The following PLD5 variants were observed in gnomAD, a reference collection of about 807,000 sequenced individuals.
The protein encoded by PLD5 is inactive phospholipase D5.
In PLD5, 36 loss-of-function variants were observed where a neutral mutation model predicts 61.1. The observed-to-expected ratio is 0.59, with a 90% CI of 0.45 to 0.78. PLD5 has a LOEUF of 0.78. Among genes scored for constraint, PLD5 ranks in the 30% least tolerant of loss-of-function variants. The pLI, the probability that PLD5 is intolerant of heterozygous loss-of-function variation, is 0.00. For missense variants in PLD5, 515 were observed against 644.4 expected, an observed-to-expected ratio of 0.80 and a Z score of 2.17; for synonymous variants, 243 against 242.8, an observed-to-expected ratio of 1.00 and a Z score of -0.01.
At chr1:242,262,476 C>T (rs2149099000) in intron 4 of PLD5, among the ~76,000 whole-genome samples, 1 of 152,298 alleles carries the variant, frequency 6.6e-6, no homozygotes, top group Non-Finnish European at 1.5e-5. Flanking sequence ...CTCACACCTG[C>T]ATGCAATTTG....
At chr1:242,518,414 A>C (rs1421313683) in intron 1 of PLD5, among the ~76,000 whole-genome samples, 1 of 152,166 alleles carries the variant, frequency 6.6e-6, no homozygotes, top group Non-Finnish European at 1.5e-5. Flanking sequence ...CAATATATAC[A>C]GTTTAAGCAA....
At chr1:242,449,510 C>T (rs1666695534) in intron 1 of PLD5, 2 of 1,506,078 alleles carry the variant, frequency 1.3e-6, no homozygotes, top group Non-Finnish European at 1.8e-6. Context: ...CCCTCAATTG[C>T]TGGCCTCAAT....
chr1:242,245,180 C>G (rs1409546173), intron 4 of PLD5, among the ~76,000 whole-genome samples: 4 of 152,034 alleles, frequency 2.6e-5, no homozygotes, highest in Non-Finnish European at 4.4e-5. Flanking sequence ...AAAAAAGGAG[C>G]CTTTTAGAGA....
At chr1:242,467,915 T>C (rs1204781380) in intron 1 of PLD5, among the ~76,000 whole-genome samples, 1 of 151,580 alleles carries the variant, frequency 6.6e-6, no homozygotes, top group African/African-American at 2.4e-5. Context: ...GTGCCCCCAG[T>C]AGAACCGCCC....
chr1:242,377,197 A>G, intron 1 of PLD5: 1 of 1,611,618 alleles, frequency 6.2e-7, no homozygotes. Flanking sequence ...GACGTGTAGC[A>G]GAGGCCACAC....
intron 1 of PLD5, among the ~76,000 whole-genome samples, chr1:242,466,950 G>C (rs938600002): frequency 6.6e-6 from 1 of 150,558 alleles, no homozygotes; most frequent in Non-Finnish European, 1.5e-5. Flanking sequence ...TACCAGGGCT[G>C]AGTGGGGAGG....
intron 4 of PLD5, among the ~76,000 whole-genome samples, chr1:242,261,203 G>T (rs1157107185): frequency 6.6e-6 from 1 of 152,186 alleles, no homozygotes; most frequent in Admixed American, 6.5e-5. Context: ...ATACGGTAAA[G>T]AATTCAAAGA....
chr1:242,101,367 CA>C (rs1293724633), intron 8 of PLD5, among the ~76,000 whole-genome samples: 1 of 151,898 alleles, frequency 6.6e-6, no homozygotes, highest in Admixed American at 6.6e-5. Context: ...TTTATTGACT[CA>C]AAAGGTGACA....
chr1:242,302,724 A>C (rs1676131850), intron 2 of PLD5, among the ~76,000 whole-genome samples: 1 of 152,200 alleles, frequency 6.6e-6, no homozygotes, highest in South Asian at 2.1e-4. Flanking sequence ...GCCTGTAAAA[A>C]ATTTTTTTAA....
intron 2 of PLD5, among the ~76,000 whole-genome samples, chr1:242,343,093 G>T (rs1374083726): frequency 2.6e-5 from 4 of 152,016 alleles, no homozygotes; most frequent in Non-Finnish European, 5.9e-5. Flanking sequence ...GAAATAAGAT[G>T]AATTAAAGTA....
intron 1 of PLD5, among the ~76,000 whole-genome samples, chr1:242,366,907 T>C (rs1661376747): frequency 6.6e-6 from 1 of 152,206 alleles, no homozygotes. Flanking sequence ...TTTATTTTTT[T>C]ACTACTTATA....
intron 5 of PLD5, among the ~76,000 whole-genome samples, chr1:242,168,353 C>G (rs1428942491): frequency 6.6e-6 from 1 of 152,162 alleles, no homozygotes; most frequent in African/African-American, 2.4e-5. Flanking sequence ...CACTTTGAAG[C>G]TACAAGAACT....
At chr1:242,500,332 C>A (rs962724770) in intron 1 of PLD5, among the ~76,000 whole-genome samples, 1 of 152,166 alleles carries the variant, frequency 6.6e-6, no homozygotes, top group Non-Finnish European at 1.5e-5. Flanking sequence ...ATTTAGAAAA[C>A]ACAGTTTATT....
At chr1:242,099,033 C>G (rs1660476500) in intron 9 of PLD5, among the ~76,000 whole-genome samples, 1 of 152,222 alleles carries the variant, frequency 6.6e-6, no homozygotes, top group Non-Finnish European at 1.5e-5. Context: ...GGCAGTCTGT[C>G]CATTCTCAGA....
At chr1:242,508,386 A>T (rs1462113781) in intron 1 of PLD5, among the ~76,000 whole-genome samples, 7 of 152,024 alleles carry the variant, frequency 4.6e-5, no homozygotes, top group Non-Finnish European at 8.8e-5. Context: ...AAAAAAAAAA[A>T]TTTTGTTAGG....
intron 1 of PLD5, among the ~76,000 whole-genome samples, chr1:242,396,651 TTTTC>T (rs1342758072): frequency 2.0e-5 from 3 of 149,354 alleles, no homozygotes; most frequent in Admixed American, 6.8e-5. Context: ...CAGCATGCTA[TTTTC>T]TTTCTTTCTT....
intron 3 of PLD5, among the ~76,000 whole-genome samples, chr1:242,280,076 T>C (rs1487452994): frequency 6.6e-6 from 1 of 152,220 alleles, no homozygotes; most frequent in East Asian, 1.9e-4. Context: ...ACAAATATTA[T>C]CTAATTGAAT....
intron 4 of PLD5, among the ~76,000 whole-genome samples, chr1:242,258,852 G>A (rs985868088): frequency 1.6e-4 from 24 of 152,160 alleles, no homozygotes; most frequent in Non-Finnish European, 3.2e-4. Flanking sequence ...ATCAACCACT[G>A]TTGCAAAAAG....
intron 2 of PLD5, among the ~76,000 whole-genome samples, chr1:242,326,566 G>A (rs1658799398): frequency 6.6e-6 from 1 of 151,924 alleles, no homozygotes; most frequent in Non-Finnish European, 1.5e-5. Context: ...CCTCCTTCTG[G>A]CTTAGGAAAA....
Sources: allele counts gnomAD v4.1 joint callset (sites outside exome capture counted in the v4.1 genomes callset), GRCh38; gene constraint gnomAD v4.1.1; transcripts MANE v1.5; gene names NCBI Gene and HGNC (gene_info 2026-07-23, HGNC 2026-07-21).